SDC1: variants seen among roughly 807,000 people sequenced by gnomAD.
SDC1 encodes the protein syndecan-1.
In SDC1, 14 loss-of-function variants were observed where a neutral mutation model predicts 29.7. The ratio of observed to expected loss-of-function variants is 0.47; its 90% CI spans 0.31 to 0.74. The LOEUF is 0.74. Ranked by LOEUF, SDC1 falls within the 30% of genes least tolerant of loss-of-function variation. The pLI is 0.05. For synonymous variants in SDC1, 204 were observed against 175.5 expected (o/e 1.16, Z -1.29); for missense variants, 406 against 400.3 (o/e 1.01, Z -0.12).
chr2:20,206,423 A>G (rs1396778847), intron 1 of SDC1, among the ~76,000 whole-genome samples: 1 of 152,244 alleles, frequency 6.6e-6, no homozygotes, highest in Non-Finnish European at 1.5e-5. Context: ...AGGCCTGTGC[A>G]GAACCCTGGT....
Position 20,202,328 on chromosome 2 carries a change from A to G in SDC1, c.*438T>C. ...TCCTGTCCCCTGCCACTCAGCGGCC[A>G]CCCCCCCAAGATGCTTGGTCCTACC... is the stretch of plus-strand genomic sequence containing the variant. On this transcript the variant is annotated 3_prime_UTR_variant, in exon 5 of 5. Transcript: ENST00000254351. The G allele has an allele frequency of 1.3e-6, 1 of 773,080 alleles. No homozygotes were observed. The highest frequency in any genetic ancestry group is 1.4e-5 in the South Asian group (1 of 73,198). The allele number at this position is 773,080 out of a possible 1,614,324, so 47.9% of individuals were successfully genotyped here.
intron 2 of SDC1, 47 bp from the exon 3 acceptor site, chr2:20,204,338 G>T: frequency 7.5e-7 from 1 of 1,342,148 alleles, no homozygotes; most frequent in Non-Finnish European, 1.0e-6. Context: ...GGGGTGGGGA[G>T]GACCAGAAGC....
chr2:20,218,640 GAC>G (rs3044218), intron 1 of SDC1, among the ~76,000 whole-genome samples: 15,097 of 148,192 alleles, frequency 0.1, 1,515 homozygotes, highest in African/African-American at 0.27. Context: ...TAAACACACA[GAC>G]ACACACACAC....
intron 1 of SDC1, among the ~76,000 whole-genome samples, chr2:20,216,381 G>A (rs1677627290): frequency 6.6e-6 from 1 of 152,176 alleles, no homozygotes; most frequent in Non-Finnish European, 1.5e-5. Context: ...AAGAGATATG[G>A]TCACCATCAC....
chr2:20,224,878 CCGG>C lies in SDC1; in HGVS notation c.-14_-12del. The C allele has an allele frequency of 4.9e-6, 6 of 1,222,228 alleles. No homozygotes were observed. In the South Asian group the frequency reaches 2.3e-4, roughly 48 times the overall value. 75.7% of individuals were successfully genotyped at this position (1,222,228 alleles called of 1,614,324 possible). On this transcript the variant is annotated 5_prime_UTR_variant, in exon 1 of 5. Transcript: ENST00000254351. This position sits in a 1 kb window ranked among gnomAD's most constrained non-coding sequence, Gnocchi z 4.9. ...CGCCGCGCGCCTCATGCTGCCCGGA[CCGG>C]CGGCGGGAGAGCGGCAGGCTGCGCG...
chr2:20,202,436 C>T lies in SDC1; in HGVS notation c.*330G>A, dbSNP rs560326421. On this transcript the variant is annotated 3_prime_UTR_variant, in exon 5 of 5. Coordinates refer to ENST00000254351, the MANE Select transcript of SDC1 (RefSeq NM_002997.5). ...TGAGGCCATTTAGGTCCAAAGCAGTCGGATCCCCCTCCCCTCCAGAGCTGG... is the reference window on the plus strand; with the variant it reads ...TGAGGCCATTTAGGTCCAAAGCAGTTGGATCCCCCTCCCCTCCAGAGCTGG... 4.3e-5 allele frequency: 26 copies of T among 611,750 alleles called. No homozygotes were observed. The highest frequency in any genetic ancestry group is 1.2e-4 in the Admixed American group (4 of 34,614). The allele number at this position is 611,750 out of a possible 1,614,324, so 37.9% of individuals were successfully genotyped here.
chr2:20,223,855 G>A (rs991438206), intron 1 of SDC1, among the ~76,000 whole-genome samples: 5 of 152,192 alleles, frequency 3.3e-5, no homozygotes, highest in African/African-American at 1.2e-4. Flanking sequence ...TTAGTGGAGC[G>A]TCAGCCCCGC....
intron 1 of SDC1, among the ~76,000 whole-genome samples, chr2:20,208,938 C>T (rs1378494933): frequency 6.6e-6 from 1 of 152,238 alleles, no homozygotes; most frequent in East Asian, 1.9e-4. Context: ...TGCCTTGCCC[C>T]TTCCCCACCC....
At position 20,201,417 on chromosome 2, in the gene SDC1, T is replaced by A. The variant is rs188408344; in HGVS notation, c.*1349A>T. The A allele has an allele frequency of 6.6e-6, 1 of 152,514 alleles. No individual in the cohort carries two copies. Among genetic ancestry groups the A allele is most frequent in the Admixed American group, 6.5e-5 (1 of 15,306 alleles). The allele number at this position is 152,514 out of a possible 1,614,324, so 9.4% of individuals were successfully genotyped here. On this transcript the variant is annotated 3_prime_UTR_variant, in exon 5 of 5. Coordinates refer to ENST00000254351, the MANE Select transcript of SDC1 (RefSeq NM_002997.5). The stretch of plus-strand genomic sequence containing the variant: ...GAGATTCGAGCCAAGTTTCCCAACA[T>A]GTTGGTGTTTGCAGAAAAGTCCGGT...
At position 20,203,121 on chromosome 2, in the gene SDC1, T is replaced by C. The variant is rs1451781962; in HGVS notation, c.729A>G (p.Ser243=). 1.9e-6 allele frequency: 3 copies of C among 1,611,738 alleles called. No individual in the cohort carries two copies. The highest frequency in any genetic ancestry group is 1.3e-5 in the African/African-American group (1 of 74,888). Residue 243 remains serine, a synonymous_variant, in exon 4 of 5, where the codon TCA becomes TCG. Transcript: ENST00000254351. ...SPVDQGATGA[S]QGLLDRKEVL... ...CCTCTTTCCTGTCCAGGAGGCCCTG[T>C]GAGGCCCCCGTGGCCCCCTGATCCA...
intron 2 of SDC1, 23 bp downstream of exon 2, chr2:20,205,320 G>T (rs779870137): frequency 6.2e-7 from 1 of 1,604,146 alleles, no homozygotes; most frequent in Non-Finnish European, 8.5e-7. Flanking sequence ...CTTGGGTGGG[G>T]GGGGCCCCCA....
chr2:20,204,308 A>G lies in SDC1; in HGVS notation c.149-17T>C, dbSNP rs544335049. ...GCAAAGCACCTGCAGGACCAGAAGC[A>G]GAGTGTGTTGGGGAGGTGGGGGGTG... On this transcript the variant is annotated splice_polypyrimidine_tract_variant and intron_variant, in intron 2 of 4. Transcript: ENST00000254351. 1.1e-5 allele frequency: 11 copies of G among 972,452 alleles called. No individual in the cohort carries two copies. Among genetic ancestry groups the G allele is most frequent in the Non-Finnish European group, 1.6e-5 (11 of 686,900 alleles). 60.2% of individuals were successfully genotyped at this position (972,452 alleles called of 1,614,324 possible).
At chr2:20,209,253 G>A (rs375807043) in intron 1 of SDC1, among the ~76,000 whole-genome samples, 42 of 152,186 alleles carry the variant, frequency 2.8e-4, no homozygotes, top group African/African-American at 8.0e-4. Context: ...CTGCAGATGA[G>A]GCAGCGGGGC....
chr2:20,222,088 A>AACACACACAC (rs3044220), intron 1 of SDC1, among the ~76,000 whole-genome samples: 4 of 150,956 alleles, frequency 2.6e-5, no homozygotes, highest in African/African-American at 9.7e-5. Flanking sequence ...GACCACAGTA[A>AACACACACAC]ACACACACAC....
intron 1 of SDC1, chr2:20,223,176 C>T: frequency 8.7e-7 from 1 of 1,144,080 alleles, no homozygotes; most frequent in Non-Finnish European, 1.2e-6. Context: ...TCTCCTGGAC[C>T]GGAAAATGTC....
chr2:20,209,877 C>A (rs3821220), intron 1 of SDC1, among the ~76,000 whole-genome samples: 1 of 152,194 alleles, frequency 6.6e-6, no homozygotes, highest in Admixed American at 6.5e-5. Context: ...CAGACAGGTT[C>A]GACGGGGGGC....
chr2:20,218,612 C>G (rs1677710463), intron 1 of SDC1, among the ~76,000 whole-genome samples: 1 of 150,568 alleles, frequency 6.6e-6, no homozygotes, highest in African/African-American at 2.5e-5. Context: ...TACACGGACG[C>G]AGACACACAC....
In SDC1 at chr2:20,201,399, G is replaced by A. The variant is rs949848211; in HGVS notation, c.*1367C>T. 5 of 152,394 alleles carry A rather than the reference G, an allele frequency of 3.3e-5. No homozygotes were observed. Among genetic ancestry groups the A allele is most frequent in the Admixed American group, 1.3e-4 (2 of 15,286 alleles). 9.4% of individuals were successfully genotyped at this position (152,394 alleles called of 1,614,324 possible). A position where few individuals can be genotyped will look rare whatever the true frequency, so the allele number is the denominator to read the frequency against. On this transcript the variant is annotated 3_prime_UTR_variant, in exon 5 of 5. Coordinates refer to ENST00000254351, the MANE Select transcript of SDC1 (RefSeq NM_002997.5). The stretch of plus-strand genomic sequence containing the variant: ...GGGAAAGACGAAGGCACAGAGATTC[G>A]AGCCAAGTTTCCCAACATGTTGGTG...
intron 1 of SDC1, among the ~76,000 whole-genome samples, chr2:20,221,964 A>G (rs1677835877): frequency 6.6e-6 from 1 of 152,188 alleles, no homozygotes; most frequent in Non-Finnish European, 1.5e-5. Flanking sequence ...ACTAGCCCCC[A>G]TAATTAGGGC....
Sources: gnomAD v4.1 joint callset for allele counts (sites outside exome capture counted in the v4.1 genomes callset) on GRCh38, gnomAD v4.1.1 for gene constraint, Gnocchi (gnomAD v3.1) non-coding constraint, MANE v1.5 for transcripts, NCBI Gene and HGNC (gene_info 2026-07-23, HGNC 2026-07-21) for gene names.